The following WNK2 variants were observed in gnomAD, a reference collection of about 807,000 sequenced individuals.
WNK2 encodes the protein serine/threonine-protein kinase WNK2.
In WNK2, 67 loss-of-function variants were observed where a neutral mutation model predicts 192.1. The observed-to-expected ratio is 0.35, with a 90% confidence interval of 0.29 to 0.43. WNK2 has a LOEUF of 0.43. Ranked by LOEUF, WNK2 falls within the 20% of genes least tolerant of loss-of-function variation. The pLI, the probability that WNK2 is intolerant of heterozygous loss-of-function variation, is 1.00. For missense variants in WNK2, 2,698 were observed against 3,089.7 expected (o/e 0.87, Z 3.01); for synonymous variants, 1,439 against 1,393.9 (o/e 1.03, Z -0.72).
intron 2 of WNK2, among the ~76,000 whole-genome samples, chr9:93,227,951 T>G (rs751602251): frequency 6.6e-6 from 1 of 152,274 alleles, no homozygotes; most frequent in African/African-American, 2.4e-5. Flanking sequence ...ATCCCTGTGA[T>G]AATTTGCAAG....
At chr9:93,292,001 T>A (rs2086103) in intron 21 of WNK2, among the ~76,000 whole-genome samples, 20 of 152,188 alleles carry the variant, frequency 1.3e-4, no homozygotes, top group African/African-American at 3.1e-4. Flanking sequence ...CTTCAGGTGC[T>A]CAGAGAAGGC....
chr9:93,260,161 G>C (rs772017333), intron 12 of WNK2, among the ~76,000 whole-genome samples: 1 of 152,198 alleles, frequency 6.6e-6, no homozygotes, highest in Non-Finnish European at 1.5e-5. Flanking sequence ...CCTCGTGGCA[G>C]CATGCTGGCT....
At position 93,185,403 on chromosome 9, in the gene WNK2, G is replaced by T. The variant is rs1215684666; in HGVS notation, c.474G>T (p.Ala158=). 5 of 1,605,140 alleles carry T rather than the reference G, an allele frequency of 3.1e-6. No homozygotes were observed. The highest frequency in any genetic ancestry group is 4.2e-6 in the Non-Finnish European group (5 of 1,176,888). ...AATVRKEDEG[A]AEAKPEPGRT... Reference sequence around the variant, plus strand: ...CCGTGAGGAAGGAGGATGAGGGGGCGGCCGAGGCGAAGCCTGAGCCCGGGC... The same window carrying T: ...CCGTGAGGAAGGAGGATGAGGGGGCTGCCGAGGCGAAGCCTGAGCCCGGGC... Residue 158 remains alanine, a synonymous_variant, in exon 2 of 30, where the codon GCG becomes GCT. Coordinates refer to ENST00000427277, the MANE Select transcript of WNK2 (RefSeq NM_006648.4).
In WNK2 at chr9:93,292,526, G is replaced by T. The variant is rs1315092937; in HGVS notation, c.5061G>T (p.Glu1687Asp). Reference protein sequence around the residue: ...VPAFVRPARVEPTDRDGGEAG... With the variant: ...VPAFVRPARVDPTDRDGGEAG... The stretch of plus-strand genomic sequence containing the variant: ...CTTTTGTGAGACCTGCACGTGTGGA[G>T]CCCACAGACAGGGATGGTGGAGAAG... Residue 1687 changes from glutamate to aspartate, a missense_variant, in exon 23 of 30, where the codon GAG (glutamate) becomes GAT (aspartate). This residue lies in a region of WNK2 where 1,098 missense variants were observed against 1,101.0 expected (regional missense o/e 1.00). Transcript: ENST00000427277. 8.2e-6 allele frequency: 13 copies of T among 1,583,358 alleles called. No homozygotes were observed. Among genetic ancestry groups the T allele is most frequent in the Non-Finnish European group, 1.1e-5 (13 of 1,162,706 alleles).
chr9:93,298,010 G>A lies in WNK2; in HGVS notation c.5866G>A (p.Ala1956Thr). 1 of 1,557,406 alleles carries A rather than the reference G, an allele frequency of 6.4e-7. No individual in the cohort carries two copies. Among genetic ancestry groups the A allele is most frequent in the South Asian group, 1.2e-5 (1 of 84,372 alleles). The change falls in exon 24 of 30, where the codon GCA (alanine) becomes ACA (threonine). Residue 1956 changes from alanine to threonine, a missense_variant. Around this residue, in one of 7 missense-constraint regions of WNK2, gnomAD observed 1,098 missense variants for 1,101.0 expected, o/e 1.00. Coordinates refer to ENST00000427277, the MANE Select transcript of WNK2 (RefSeq NM_006648.4). ...AAAAACCAGCAAGAGCAAGCTGAAG[G>A]CAGGCAAGCTGCTAAATCCCCTGGT... ...RRKTSKSKLK[A>T]GKLLNPLVRQ...
At chr9:93,228,701 G>T (rs1031721997) in intron 2 of WNK2, among the ~76,000 whole-genome samples, 3 of 152,190 alleles carry the variant, frequency 2.0e-5, no homozygotes, top group Non-Finnish European at 4.4e-5. Context: ...ACCTCGTGAG[G>T]GGAAGTTGGA....
At chr9:93,293,266 C>G (rs1209522096) in intron 23 of WNK2, 93 bp downstream of exon 23, 3 of 1,287,068 alleles carry the variant, frequency 2.3e-6, no homozygotes, top group Admixed American at 7.0e-5. Flanking sequence ...GGCTGAAGTC[C>G]TGGCCAAGCA....
At chr9:93,244,656 A>T (rs903496380) in intron 7 of WNK2, among the ~76,000 whole-genome samples, 1 of 151,880 alleles carries the variant, frequency 6.6e-6, no homozygotes, top group South Asian at 2.1e-4. Flanking sequence ...CCTGGATATG[A>T]CCCCGAGGCC....
intron 2 of WNK2, among the ~76,000 whole-genome samples, chr9:93,222,913 C>A (rs191427160): frequency 1.3e-3 from 201 of 152,312 alleles, no homozygotes; most frequent in Admixed American, 5.0e-3. Context: ...AACTCCTGAC[C>A]TCAGGTGATC....
chr9:93,299,198 G>C lies in WNK2; in HGVS notation c.6052G>C (p.Ala2018Pro), dbSNP rs1483777616. 3 of 1,601,272 alleles carry C rather than the reference G, an allele frequency of 1.9e-6. No individual in the cohort carries two copies. Among genetic ancestry groups the C allele is most frequent in the African/African-American group, 1.3e-5 (1 of 74,808 alleles). The stretch of plus-strand genomic sequence containing the variant: ...GACCCAGCAGCCCTGCTCCGTCCGG[G>C]CCTCCCTGTCTTCGGACATCTGCTC... ...VQTQQPCSVRASLSSDICSGL... is the reference protein window; with the variant it reads ...VQTQQPCSVRPSLSSDICSGL... Residue 2018 changes from alanine to proline, a missense_variant, in exon 25 of 30, where the codon GCC (alanine) becomes CCC (proline). This residue lies in a region of WNK2 where 1,098 missense variants were observed against 1,101.0 expected (regional missense o/e 1.00). Coordinates refer to ENST00000427277, the MANE Select transcript of WNK2 (RefSeq NM_006648.4).
chr9:93,317,605 C>T lies in WNK2; in HGVS notation c.6602C>T (p.Ala2201Val). The change falls in exon 29 of 30, where the codon GCC (alanine) becomes GTC (valine). Residue 2201 changes from alanine to valine, a missense_variant. Ala to Val is a moderately conservative substitution (Grantham distance 64, BLOSUM62 0). Transcript: ENST00000427277. ...TCCACCACGGTCATTCCCGGAGCCG[C>T]CCCGACCCTGTCCGTGCCCACACCA... The part of the protein sequence containing the change: ...PLSTTVIPGA[A>V]PTLSVPTPDP... The T allele has an allele frequency of 1.2e-6, 2 of 1,613,170 alleles. No individual in the cohort carries two copies. The highest frequency in any genetic ancestry group is 1.7e-6 in the Non-Finnish European group (2 of 1,179,852).
rs138476689 is a variant in WNK2, at chr9:93,261,752, C to T, written c.3067-62C>T. The T allele has an allele frequency of 5.8e-3, 8,852 of 1,531,742 alleles. 68 individuals carry two copies. Among genetic ancestry groups the T allele is most frequent in the East Asian group, 0.025 (1,081 of 44,044 alleles). The allele number at this position is 1,531,742 out of a possible 1,614,324, so 94.9% of individuals were successfully genotyped here. On this transcript the variant is annotated intron_variant, in intron 12 of 29. Coordinates refer to ENST00000427277, the MANE Select transcript of WNK2 (RefSeq NM_006648.4). Reference sequence around the variant, plus strand: ...CTGGGTATTCCCAGACACACCTGGGCACGGCCCCCTCAGTGAAGGCAGCGC... The same window carrying T: ...CTGGGTATTCCCAGACACACCTGGGTACGGCCCCCTCAGTGAAGGCAGCGC...
At chr9:93,280,281 G>A (rs1847532903) in intron 19 of WNK2, among the ~76,000 whole-genome samples, 1 of 152,164 alleles carries the variant, frequency 6.6e-6, no homozygotes, top group East Asian at 1.9e-4. Flanking sequence ...TGTATGAAAA[G>A]ATGGTTATTC....
rs557200938 is a variant in WNK2, at chr9:93,208,430, C to T, written c.682-21266C>T. The stretch of plus-strand genomic sequence containing the variant: ...CATTTGGCTGGTTTCTCTGTGTGCA[C>T]GTTTTCTGTGTGCATGTGTCACCAT... On this transcript the variant is annotated intron_variant, in intron 2 of 29. Coordinates refer to ENST00000427277, the MANE Select transcript of WNK2 (RefSeq NM_006648.4). 4.1e-4 allele frequency among the ~76,000 whole-genome samples: 63 copies of T among 152,248 alleles called. 1 individual carries two copies. The highest frequency in any genetic ancestry group is 1.4e-3 in the African/African-American group (59 of 41,540).
intron 12 of WNK2, among the ~76,000 whole-genome samples, chr9:93,260,780 G>A (rs1449062232): frequency 6.6e-6 from 1 of 152,218 alleles, no homozygotes; most frequent in Non-Finnish European, 1.5e-5. Flanking sequence ...AGTAAGTGCT[G>A]TTGGTCCCAG....
intron 19 of WNK2, among the ~76,000 whole-genome samples, chr9:93,270,927 G>A (rs1254498142): frequency 5.3e-5 from 8 of 152,134 alleles, no homozygotes; most frequent in Non-Finnish European, 7.4e-5. Flanking sequence ...TGGCACAGCC[G>A]CAGAATTGGG....
At chr9:93,238,872 G>C (rs1439962031) in intron 6 of WNK2, among the ~76,000 whole-genome samples, 1 of 152,130 alleles carries the variant, frequency 6.6e-6, no homozygotes, top group Non-Finnish European at 1.5e-5. Context: ...TTGGTCAGGT[G>C]GAAGGCTGGG....
At chr9:93,210,416 T>C (rs966987628) in intron 2 of WNK2, among the ~76,000 whole-genome samples, 2 of 151,764 alleles carry the variant, frequency 1.3e-5, no homozygotes, top group African/African-American at 4.8e-5. Flanking sequence ...GGCTGTGGAG[T>C]TGGGTCAGGG....
At chr9:93,305,908 C>G (rs1852434174) in intron 26 of WNK2, among the ~76,000 whole-genome samples, 1 of 151,832 alleles carries the variant, frequency 6.6e-6, no homozygotes, top group Non-Finnish European at 1.5e-5. Flanking sequence ...GAAGTCTGAG[C>G]CTGTGCTTGC....
Sources: gnomAD v4.1 joint callset for allele counts (sites outside exome capture counted in the v4.1 genomes callset) on GRCh38, gnomAD v4.1.1 for gene constraint, gnomAD v4.1.1 regional missense constraint, MANE v1.5 for transcripts, NCBI Gene and HGNC (gene_info 2026-07-23, HGNC 2026-07-21) for gene names.